The following PCDHA9 variants were observed in gnomAD, a reference collection of about 807,000 sequenced individuals.
PCDHA9 encodes the protein protocadherin alpha-9.
PCDHA9 carries 62 observed loss-of-function variants against 62.0 expected under a neutral mutation model. That is an observed-to-expected ratio of 1.00 (90% CI 0.81 to 1.23). PCDHA9 has a LOEUF of 1.23. PCDHA9 is among the 50% of genes most tolerant of loss of function. The pLI is 0.00. For synonymous variants in PCDHA9, 557 were observed against 567.6 expected (o/e 0.98, Z 0.27); for missense variants, 1,205 against 1,249.8 (o/e 0.96, Z 0.54).
intron 1 of PCDHA9, chr5:140,870,781 A>T: frequency 2.5e-6 from 4 of 1,613,654 alleles, no homozygotes; most frequent in Non-Finnish European, 3.4e-6. Flanking sequence ...CGAGAACGAC[A>T]ACGCGCCGGC....
chr5:140,869,141 G>T (rs782396331), intron 1 of PCDHA9: 1 of 1,613,314 alleles, frequency 6.2e-7, no homozygotes, highest in African/African-American at 1.3e-5. Flanking sequence ...GGCACCCCAC[G>T]ACTACAGCTC....
At chr5:141,006,704 A>G (rs2098283751) in intron 3 of PCDHA9, among the ~76,000 whole-genome samples, 1 of 152,128 alleles carries the variant, frequency 6.6e-6, no homozygotes, top group Non-Finnish European at 1.5e-5. Context: ...GAGTCAAGAT[A>G]TATTTAGGAG....
chr5:141,001,529 A>T (rs1344687772), intron 3 of PCDHA9, among the ~76,000 whole-genome samples: 1 of 152,106 alleles, frequency 6.6e-6, no homozygotes, highest in Non-Finnish European at 1.5e-5. Context: ...TCTCTCTCTG[A>T]TCCTGGACAG....
At chr5:140,963,146 T>C (rs1230280019) in intron 1 of PCDHA9, among the ~76,000 whole-genome samples, 2 of 152,074 alleles carry the variant, frequency 1.3e-5, no homozygotes, top group African/African-American at 4.8e-5. Flanking sequence ...TTTGGATGAA[T>C]TTAAAAATGA....
chr5:140,883,852 G>A (rs1554180292), intron 1 of PCDHA9: 1 of 1,612,972 alleles, frequency 6.2e-7, no homozygotes. Flanking sequence ...ACGAGGAGCT[G>A]GAGCTGTTGC....
At chr5:140,940,822 A>G (rs1446773813) in intron 1 of PCDHA9, among the ~76,000 whole-genome samples, 9 of 152,200 alleles carry the variant, frequency 5.9e-5, no homozygotes, top group Admixed American at 3.9e-4. Context: ...GAGATCTTGG[A>G]TGGAAATACC....
chr5:140,861,449 C>A (rs1448075777), intron 1 of PCDHA9: 11 of 493,904 alleles, frequency 2.2e-5, no homozygotes, highest in Admixed American at 1.0e-4. Flanking sequence ...GCCGCAGAAA[C>A]CTTCTGGAGG....
intron 1 of PCDHA9, chr5:140,928,060 T>C: frequency 6.2e-7 from 1 of 1,614,204 alleles, no homozygotes; most frequent in Non-Finnish European, 8.5e-7. Flanking sequence ...GCTGACGGCT[T>C]CCTTTGACAA....
At chr5:140,881,330 G>A (rs2153378633) in intron 1 of PCDHA9, 1 of 984,626 alleles carries the variant, frequency 1.0e-6, no homozygotes, top group Non-Finnish European at 1.2e-6. Context: ...ATTTAACCAG[G>A]ACGCCGATTC....
intron 1 of PCDHA9, chr5:140,969,344 T>G: frequency 6.2e-7 from 1 of 1,613,664 alleles, no homozygotes; most frequent in Non-Finnish European, 8.5e-7. Context: ...GAGACAGTGG[T>G]CAGGGGGTCT....
intron 1 of PCDHA9, among the ~76,000 whole-genome samples, chr5:140,951,923 T>C (rs538525528): frequency 6.6e-6 from 1 of 152,214 alleles, no homozygotes; most frequent in South Asian, 2.1e-4. Flanking sequence ...ACAAGTTAGT[T>C]ACTCCCAAGA....
intron 2 of PCDHA9, 69 bp downstream of exon 2, chr5:140,979,076 C>G: frequency 6.3e-7 from 1 of 1,584,068 alleles, no homozygotes; most frequent in South Asian, 1.1e-5. Flanking sequence ...AACTGCATCT[C>G]CATAGGCCAG....
At chr5:140,927,816 A>G in intron 1 of PCDHA9, 2 of 1,614,198 alleles carry the variant, frequency 1.2e-6, no homozygotes, top group Non-Finnish European at 1.7e-6. Flanking sequence ...TCTTGGAGGC[A>G]TACATTGAGG....
At position 140,927,469 on chromosome 5, in the gene PCDHA9, C is replaced by G. The variant is rs17844359; in HGVS notation, c.2395-51480C>G. ...GTTGGTGTTGGAGAAAGCACTGGATCGCGAACAGCGCGCCACCCACCTGCT... is the reference window on the plus strand; with the variant it reads ...GTTGGTGTTGGAGAAAGCACTGGATGGCGAACAGCGCGCCACCCACCTGCT... On this transcript the variant is annotated intron_variant, in intron 1 of 3. Transcript: ENST00000532602. 39 of 1,613,964 alleles carry G rather than the reference C, an allele frequency of 2.4e-5. No individual in the cohort carries two copies. The highest frequency in any genetic ancestry group is 1.3e-4 in the South Asian group (12 of 91,094).
chr5:140,957,113 G>A (rs1554222808), intron 1 of PCDHA9, among the ~76,000 whole-genome samples: 2 of 152,086 alleles, frequency 1.3e-5, no homozygotes, highest in Admixed American at 6.6e-5. Flanking sequence ...ACATGATTCT[G>A]TGTGTTTCTT....
chr5:140,976,770 C>T (rs2096730456), intron 1 of PCDHA9, among the ~76,000 whole-genome samples: 1 of 152,162 alleles, frequency 6.6e-6, no homozygotes, highest in Non-Finnish European at 1.5e-5. Flanking sequence ...GCCTGCTAGA[C>T]TCTGACTATA....
intron 1 of PCDHA9, chr5:140,857,098 T>G: frequency 6.3e-7 from 1 of 1,597,572 alleles, no homozygotes; most frequent in Non-Finnish European, 8.6e-7. Context: ...CTGAGGTGAT[T>G]GTCACTTCTC....
chr5:140,916,721 T>G (rs2077698319), intron 1 of PCDHA9, among the ~76,000 whole-genome samples: 1 of 152,186 alleles, frequency 6.6e-6, no homozygotes, highest in Non-Finnish European at 1.5e-5. Context: ...AAGGAGTGAC[T>G]TTTGTTGCTG....
At chr5:140,876,337 G>T (rs1554168488) in intron 1 of PCDHA9, 1 of 1,614,016 alleles carries the variant, frequency 6.2e-7, no homozygotes, top group Admixed American at 1.7e-5. Flanking sequence ...GCCAGTGAGT[G>T]AGAAATGTAT....
Sources: gnomAD v4.1 joint callset for allele counts (sites outside exome capture counted in the v4.1 genomes callset) on GRCh38, gnomAD v4.1.1 for gene constraint, MANE v1.5 for transcripts, NCBI Gene and HGNC (gene_info 2026-07-23, HGNC 2026-07-21) for gene names.